The following EGF variants were observed in gnomAD, a reference collection of about 807,000 sequenced individuals.
EGF encodes epidermal growth factor, also known as pro-epidermal growth factor.
A neutral mutation model predicts 143.8 loss-of-function variants in EGF; 95 were observed. That is an observed-to-expected ratio of 0.66 (90% CI 0.56 to 0.78). The LOEUF (loss-of-function observed/expected upper bound fraction) is 0.78, where lower values mean the gene tolerates loss of function less well. EGF is among the 30% of genes least tolerant of loss of function. The pLI is 0.00. For synonymous variants in EGF, 510 were observed against 510.5 expected (o/e 1.00, Z 0.01); for missense variants, 1,320 against 1,470.9 (o/e 0.90, Z 1.68).
chr4:110,011,196 A>G lies in EGF; in HGVS notation c.3371-6A>G, dbSNP rs1290976411. 19 of 1,613,750 alleles carry G rather than the reference A, an allele frequency of 1.2e-5. No homozygotes were observed. Among genetic ancestry groups the G allele is most frequent in the Non-Finnish European group, 1.1e-5 (13 of 1,180,020 alleles). On this transcript the variant is annotated splice_region_variant and splice_polypyrimidine_tract_variant and intron_variant, in intron 23 of 23. Coordinates refer to ENST00000265171, the MANE Select transcript of EGF (RefSeq NM_001963.6). ...AATATTGAAATTTCTTTTGTCTTTC[A>G]TATAGGGTCAATGCAACCAACTTCA...
rs1744367127 is a variant in EGF at position 109,954,004 on chromosome 4, GA to G, written c.941-5307del. ...CAGAAATGAGGATACAATAAGAAAA[GA>G]CTCAATGGGCCTGAAGGGCTCTTCT... On this transcript the variant is annotated intron_variant, in intron 5 of 23. Coordinates refer to ENST00000265171, the MANE Select transcript of EGF (RefSeq NM_001963.6). Among the ~76,000 whole-genome samples the G allele has an allele frequency of 9.2e-5, 14 of 152,274 alleles. No individual in the cohort carries two copies. In the South Asian group the frequency reaches 2.9e-3, roughly 32 times the overall value.
intron 20 of EGF, among the ~76,000 whole-genome samples, chr4:109,996,027 G>A (rs1363217664): frequency 6.6e-6 from 1 of 152,104 alleles, no homozygotes; most frequent in African/African-American, 2.4e-5. Context: ...AATAGTTATT[G>A]CTAGTTTTAA....
intron 1 of EGF, among the ~76,000 whole-genome samples, chr4:109,919,876 T>C (rs1737470631): frequency 6.6e-6 from 1 of 151,714 alleles, no homozygotes; most frequent in African/African-American, 2.4e-5. Flanking sequence ...TGTGCCCTTA[T>C]TTAGTAGTTA....
At chr4:109,938,001 C>A (rs1741159091) in intron 1 of EGF, among the ~76,000 whole-genome samples, 1 of 152,032 alleles carries the variant, frequency 6.6e-6, no homozygotes, top group African/African-American at 2.4e-5. Flanking sequence ...TGGGGTTGCT[C>A]TTCTCGAGGA....
intron 5 of EGF, among the ~76,000 whole-genome samples, chr4:109,947,330 C>T (rs1743031035): frequency 6.6e-6 from 1 of 151,768 alleles, no homozygotes; most frequent in Admixed American, 6.6e-5. Flanking sequence ...CTTAAATAGC[C>T]CTCTGAAGTG....
chr4:109,992,312 A>T (rs1250489235), intron 18 of EGF: 2 of 152,130 alleles, frequency 1.3e-5, no homozygotes, highest in African/African-American at 4.8e-5. Flanking sequence ...TAAACCTAAA[A>T]ATGTATAGGG....
At position 110,012,726 on chromosome 4, in the gene EGF, A is replaced by C. The variant is rs1285145820; in HGVS notation, c.*1271A>C. On this transcript the variant is annotated 3_prime_UTR_variant, in exon 24 of 24. Coordinates refer to ENST00000265171, the MANE Select transcript of EGF (RefSeq NM_001963.6). ...GTGCCCAGCCTTGTAACTTTTAAAA[A>C]AATTTTTTAATCTACAACTCTGTAG... 2.0e-5 allele frequency among the ~76,000 whole-genome samples: 3 copies of C among 152,176 alleles called. No homozygotes were observed. Among genetic ancestry groups the C allele is most frequent in the African/African-American group, 7.2e-5 (3 of 41,442 alleles).
rs369597497 is a variant in EGF at position 109,983,428 on chromosome 4, A to T, written c.2378A>T (p.Glu793Val). 8.2e-5 allele frequency: 133 copies of T among 1,613,598 alleles called. No individual in the cohort carries two copies. In the Middle Eastern group the frequency reaches 9.9e-4, roughly 12 times the overall value. ...ATCTATTGACCTTCAATAGGTGGTGAAGTTGATCTAAAGAACCAAGTAACA... is the reference window on the plus strand; with the variant it reads ...ATCTATTGACCTTCAATAGGTGGTGTAGTTGATCTAAAGAACCAAGTAACA... ...LDGHQLLAGG[E>V]VDLKNQVTPL... The change falls in exon 16 of 24, where the codon GAA becomes GTA. Residue 793 changes from glutamate (E) to valine (V), a missense_variant. Glu to Val is a moderately radical substitution (Grantham distance 121). Transcript: ENST00000265171.
At chr4:110,002,135 C>T in intron 21 of EGF, 1 of 695,112 alleles carries the variant, frequency 1.4e-6, no homozygotes, top group Non-Finnish European at 1.8e-6. Flanking sequence ...CTCCCTTATA[C>T]CATTCCTTGC....
At chr4:109,915,370 A>T (rs1736447798) in intron 1 of EGF, among the ~76,000 whole-genome samples, 1 of 152,206 alleles carries the variant, frequency 6.6e-6, no homozygotes, top group Admixed American at 6.5e-5. Context: ...CATGGTGCTT[A>T]GCAGAGTATG....
At chr4:109,980,793 C>T (rs775125401) in intron 14 of EGF, 33 bp from the exon 15 acceptor site, 1 of 1,613,708 alleles carries the variant, frequency 6.2e-7, no homozygotes, top group South Asian at 1.1e-5. Flanking sequence ...CATCTTCAAA[C>T]CCACTTGTGA....
chr4:109,948,768 G>A (rs1743301111), intron 5 of EGF, among the ~76,000 whole-genome samples: 1 of 152,070 alleles, frequency 6.6e-6, no homozygotes, highest in African/African-American at 2.4e-5. Flanking sequence ...TTACAGGCAT[G>A]AGCCACTGTG....
chr4:109,913,016 C>T lies in EGF; in HGVS notation c.-320C>T. The stretch of plus-strand genomic sequence containing the variant: ...TCTCTAAGCCTTTGCCTTGCTCTGT[C>T]ACAGTGAAGTCAGCCAGAGCAGGGC... On this transcript the variant is annotated 5_prime_UTR_variant, in exon 1 of 24. Coordinates refer to ENST00000265171, the MANE Select transcript of EGF (RefSeq NM_001963.6). 2.9e-6 allele frequency: 1 copy of T among 342,948 alleles called. No homozygotes were observed. The highest frequency in any genetic ancestry group is 2.6e-5 in the South Asian group (1 of 38,618). 21.2% of individuals were successfully genotyped at this position (342,948 alleles called of 1,614,324 possible).
chr4:109,986,967 G>A (rs1399760833), intron 16 of EGF, among the ~76,000 whole-genome samples: 2 of 152,126 alleles, frequency 1.3e-5, no homozygotes, highest in Non-Finnish European at 2.9e-5. Flanking sequence ...TATGATATTA[G>A]TAAATTGTCA....
chr4:109,945,165 G>A lies in EGF; in HGVS notation c.830G>A (p.Gly277Glu), dbSNP rs913827959. The change falls in exon 5 of 24, where the codon GGA (glycine) becomes GAA (glutamate). Residue 277 changes from glycine (G) to glutamate (E), a missense_variant. Transcript: ENST00000265171. ...KTIWIANKHTGKDMVRINLHS... is the reference protein window; with the variant it reads ...KTIWIANKHTEKDMVRINLHS... ...ATTTGGATAGCCAACAAACACACTG[G>A]AAAGGACATGGTTAGAATTAACCTC... 9 of 1,613,962 alleles carry A rather than the reference G, an allele frequency of 5.6e-6. No homozygotes were observed. The highest frequency in any genetic ancestry group is 6.8e-6 in the Non-Finnish European group (8 of 1,180,026).
At chr4:109,917,412 C>A (rs1267268451) in intron 1 of EGF, among the ~76,000 whole-genome samples, 1 of 152,022 alleles carries the variant, frequency 6.6e-6, no homozygotes, top group Non-Finnish European at 1.5e-5. Context: ...TTATAATTTA[C>A]AAATCTGCCT....
chr4:109,939,431 C>T (rs1387626364), intron 1 of EGF, among the ~76,000 whole-genome samples: 2 of 152,244 alleles, frequency 1.3e-5, no homozygotes, highest in Non-Finnish European at 2.9e-5. Flanking sequence ...ACAGTTCCTC[C>T]AGTTACAGGC....
At chr4:109,928,876 G>A (rs1488989665) in intron 1 of EGF, among the ~76,000 whole-genome samples, 1 of 152,122 alleles carries the variant, frequency 6.6e-6, no homozygotes, top group East Asian at 1.9e-4. Flanking sequence ...TTCCCATCAT[G>A]GCCTGAACTA....
In EGF at chr4:109,943,366, G is replaced by A. The variant is rs1339389920; in HGVS notation, c.440G>A (p.Gly147Glu). 2 of 1,613,498 alleles carry A rather than the reference G, an allele frequency of 1.2e-6. No individual in the cohort carries two copies. Among genetic ancestry groups the A allele is most frequent in the Non-Finnish European group, 1.7e-6 (2 of 1,179,730 alleles). The change falls in exon 3 of 24, where the codon GGA (glycine) becomes GAA (glutamate). Residue 147 changes from glycine (G) to glutamate (E), a missense_variant. Transcript: ENST00000265171. ...EGIITVTDMK[G>E]NNSHILLSAL... is the part of the protein sequence containing the mutation. Reference sequence around the variant, plus strand: ...ATCATTACAGTAACAGATATGAAAGGAAATAATTCCCACATTCTTTTAAGT... The same window carrying A: ...ATCATTACAGTAACAGATATGAAAGAAAATAATTCCCACATTCTTTTAAGT...
Sources: gnomAD v4.1 joint callset for allele counts (sites outside exome capture counted in the v4.1 genomes callset) on GRCh38, gnomAD v4.1.1 for gene constraint, MANE v1.5 for transcripts, NCBI Gene and HGNC (gene_info 2026-07-23, HGNC 2026-07-21) for gene names.